SPSB3: variants seen among roughly 807,000 people sequenced by gnomAD.
The protein encoded by SPSB3 is splA/ryanodine receptor domain and SOCS box containing 3.
In SPSB3, 18 loss-of-function variants were observed where a neutral mutation model predicts 29.5. The ratio of observed to expected loss-of-function variants is 0.61; its 90% CI spans 0.42 to 0.91. The LOEUF is 0.91. Among genes scored for constraint, SPSB3 ranks in the 40% least tolerant of loss-of-function variants. SPSB3 has a pLI of 0.00. For synonymous variants in SPSB3, 299 were observed against 214.1 expected (o/e 1.40, Z -3.46); for missense variants, 540 against 507.5 (o/e 1.06, Z -0.61).
chr16:1,780,879 C>T (rs905880792), intron 2 of SPSB3: 5 of 330,796 alleles, frequency 1.5e-5, no homozygotes, highest in South Asian at 2.4e-5. Flanking sequence ...ACTACAGGCA[C>T]GTGCCACCAC....
intron 3 of SPSB3, 55 bp from the exon 4 acceptor site, chr16:1,778,376 T>G (rs755568189): frequency 2.5e-6 from 4 of 1,608,296 alleles, no homozygotes; most frequent in Admixed American, 1.7e-5. Context: ...GGCTCTGCCC[T>G]GCCCACCCCC....
At chr16:1,781,658 A>G in intron 1 of SPSB3, 163 bp from the exon 2 acceptor site, 1 of 671,700 alleles carries the variant, frequency 1.5e-6, no homozygotes, top group South Asian at 1.9e-5. Context: ...TCACTCCAGG[A>G]TCTGAGCAGC....
chr16:1,778,787 C>G, intron 2 of SPSB3, 175 bp from the exon 3 acceptor site: 1 of 621,878 alleles, frequency 1.6e-6, no homozygotes, highest in Non-Finnish European at 2.6e-6. Flanking sequence ...CCAACGGGCT[C>G]CGGCTCTGCC....
rs368640764 is a variant in SPSB3, at chr16:1,777,045, C to T, written c.*52G>A. The T allele has an allele frequency of 1.1e-4, 174 of 1,568,692 alleles. No homozygotes were observed. In the African/African-American group the frequency reaches 2.2e-3, roughly 20 times the overall value. ...AAGGAAGGGACAGAGAAAGAAGGGA[C>T]AGAGGAAAGGGGCTGTCCCAGCCCA... On this transcript the variant is annotated 3_prime_UTR_variant, in exon 7 of 7. Coordinates refer to ENST00000566339, the MANE Select transcript of SPSB3 (RefSeq NM_080861.4).
At chr16:1,777,593 C>T in intron 6 of SPSB3, 150 bp from the exon 7 acceptor site, 1 of 1,396,450 alleles carries the variant, frequency 7.2e-7, no homozygotes, top group Non-Finnish European at 9.6e-7. Context: ...GCCACTCCAG[C>T]CTGGCCTCAC....
chr16:1,777,825 C>T lies in SPSB3; in HGVS notation c.643G>A (p.Gly215Ser), dbSNP rs1349679150. ...GDKTSFSSRFGQGSIIGVHLD... is the reference protein window; with the variant it reads ...GDKTSFSSRFSQGSIIGVHLD... ...TGCACGCCAATGATGGAGCCCTGGC[C>T]GAACCGCGATGAGAAGCTGGTCTTG... Residue 215 changes from glycine (G) to serine (S), a missense_variant, in exon 6 of 7, where the codon GGC (glycine) becomes AGC (serine). Physicochemically the swap from Gly to Ser is moderately conservative, Grantham distance 56. Coordinates refer to ENST00000566339, the MANE Select transcript of SPSB3 (RefSeq NM_080861.4). 5.0e-6 allele frequency: 8 copies of T among 1,612,740 alleles called. No individual in the cohort carries two copies. Among genetic ancestry groups the T allele is most frequent in the East Asian group, 2.2e-5 (1 of 44,866 alleles).
In SPSB3 at chr16:1,776,767, G is replaced by A. The variant is rs1332766936; in HGVS notation, c.*330C>T. On this transcript the variant is annotated 3_prime_UTR_variant, in exon 7 of 7. Coordinates refer to ENST00000566339, the MANE Select transcript of SPSB3 (RefSeq NM_080861.4). ...GCAGTCCTTTAAGTCTATGACGGCG[G>A]GGCAGCCGCTGACAGCATGCAGAGC... 1 of 437,778 alleles carries A rather than the reference G, an allele frequency of 2.3e-6. No individual in the cohort carries two copies. 27.1% of individuals were successfully genotyped at this position (437,778 alleles called of 1,614,324 possible). A position where few individuals can be genotyped will look rare whatever the true frequency, so the allele number is the denominator to read the frequency against.
At chr16:1,781,337 G>A (rs1303791567) in intron 2 of SPSB3, 21 bp downstream of exon 2, 6 of 1,612,720 alleles carry the variant, frequency 3.7e-6, no homozygotes, top group Admixed American at 1.7e-5. Flanking sequence ...AGCCACGTCC[G>A]CCTCGCCCGC....
At chr16:1,781,289 T>TCTGC (rs774472089) in intron 2 of SPSB3, 69 bp downstream of exon 2, 48 of 1,612,234 alleles carry the variant, frequency 3.0e-5, no homozygotes, top group Non-Finnish European at 3.9e-5. Context: ...TCAGGTAATG[T>TCTGC]CTGCCTGCCT....
At chr16:1,778,392 C>G (rs371769096) in intron 3 of SPSB3, 43 bp downstream of exon 3, 8 of 1,606,624 alleles carry the variant, frequency 5.0e-6, no homozygotes, top group Admixed American at 3.4e-5. Flanking sequence ...CCCCCAGGCC[C>G]GCCCGCAGTG....
intron 2 of SPSB3, 116 bp downstream of exon 2, chr16:1,781,242 G>A: frequency 1.3e-6 from 2 of 1,598,774 alleles, no homozygotes; most frequent in Non-Finnish European, 1.7e-6. Flanking sequence ...TGGTCCTCTA[G>A]CCTCAGAAGC....
intron 2 of SPSB3, chr16:1,780,858 G>A: frequency 3.2e-6 from 1 of 311,228 alleles, no homozygotes; most frequent in Non-Finnish European, 6.3e-6. Flanking sequence ...TCAGCCTCCT[G>A]AGTCGTTGGG....
intron 2 of SPSB3, chr16:1,779,968 C>A (rs117722993): frequency 6.6e-6 from 1 of 152,308 alleles, no homozygotes; most frequent in East Asian, 1.9e-4. Flanking sequence ...GACCCTGTTT[C>A]CCAATTTGCC....
Position 1,778,054 on chromosome 16 carries a change from A to G in SPSB3, c.493-6T>C. 6.2e-7 allele frequency: 1 copy of G among 1,613,100 alleles called. No homozygotes were observed. The highest frequency in any genetic ancestry group is 8.5e-7 in the Non-Finnish European group (1 of 1,179,980). On this transcript the variant is annotated splice_polypyrimidine_tract_variant and splice_region_variant and intron_variant, in intron 4 of 6. Transcript: ENST00000566339. ...GACGTCCCGATGCCCACCATCTAGG[A>G]ACAGGGGCCAGGCAGAGGGCGCGGG...
At position 1,776,968 on chromosome 16, in the gene SPSB3, G is replaced by T. The variant is rs1402515814; in HGVS notation, c.*129C>A. On this transcript the variant is annotated 3_prime_UTR_variant, in exon 7 of 7. Transcript: ENST00000566339. ...GACTGTCCCAGCCTCGGGAGCAAGA[G>T]ATGGCTCCCTCCGGACGGGCCTCAT... The T allele has an allele frequency of 2.8e-6, 3 of 1,066,518 alleles. No individual in the cohort carries two copies. The highest frequency in any genetic ancestry group is 2.7e-6 in the Non-Finnish European group (2 of 748,034). The allele number at this position is 1,066,518 out of a possible 1,614,324, so 66.1% of individuals were successfully genotyped here. A position where few individuals can be genotyped will look rare whatever the true frequency, so the allele number is the denominator to read the frequency against.
intron 2 of SPSB3, chr16:1,780,818 G>C (rs1159477027): frequency 1.8e-5 from 5 of 276,252 alleles, no homozygotes; most frequent in Non-Finnish European, 3.6e-5. Flanking sequence ...CTGCAGCCTT[G>C]ACCTCCCTGG....
intron 2 of SPSB3, chr16:1,781,093 T>A (rs1896689601): frequency 7.6e-7 from 1 of 1,312,358 alleles, no homozygotes; most frequent in Admixed American, 2.2e-5. Context: ...CCATGCACCA[T>A]GTGTTTCAGA....
chr16:1,777,034 G>A lies in SPSB3; in HGVS notation c.*63C>T, dbSNP rs2042723979. 42 of 1,544,544 alleles carry A rather than the reference G, an allele frequency of 2.7e-5. No individual in the cohort carries two copies. In the South Asian group the frequency reaches 4.5e-4, roughly 16 times the overall value. Reference sequence around the variant, plus strand: ...AGTGTGGCTGGAAGGAAGGGACAGAGAAAGAAGGGACAGAGGAAAGGGGCT... The same window carrying A: ...AGTGTGGCTGGAAGGAAGGGACAGAAAAAGAAGGGACAGAGGAAAGGGGCT... On this transcript the variant is annotated 3_prime_UTR_variant, in exon 7 of 7. Transcript: ENST00000566339.
Position 1,777,289 on chromosome 16 carries a change from C to G in SPSB3, c.876G>C (p.Ser292=), listed in dbSNP as rs754154886. 10 of 1,610,204 alleles carry G rather than the reference C, an allele frequency of 6.2e-6. No homozygotes were observed. Among genetic ancestry groups the G allele is most frequent in the Non-Finnish European group, 6.8e-6 (8 of 1,179,810 alleles). The change falls in exon 7 of 7, where the codon TCG becomes TCC. Residue 292 remains serine, a synonymous_variant. Coordinates refer to ENST00000566339, the MANE Select transcript of SPSB3 (RefSeq NM_080861.4). ...GCGGCAGACCCTCCAGCGTGTCTCC[C>G]GAGTCTGGCCGCAGCTGGCGCAGGC... is the stretch of plus-strand genomic sequence containing the variant. The part of the protein sequence containing the change: ...CHRLRQLRPD[S]GDTLEGLPLP...
Sources: gnomAD v4.1 joint callset for allele counts on GRCh38, gnomAD v4.1.1 for gene constraint, MANE v1.5 for transcripts, NCBI Gene and HGNC (gene_info 2026-07-23, HGNC 2026-07-21) for gene names.